Variants in AFAP1 observed in about 807,000 individuals in gnomAD.
AFAP1 encodes the protein actin filament-associated protein 1.
Under a neutral mutation model 93.9 loss-of-function variants are expected in AFAP1, and 75 were observed. The observed-to-expected ratio is 0.80, with a 90% CI of 0.66 to 0.97. The LOEUF (loss-of-function observed/expected upper bound fraction) is 0.97, where lower values mean the gene tolerates loss of function less well. Ranked by LOEUF, AFAP1 falls within the 50% of genes least tolerant of loss-of-function variation. The pLI, the probability that AFAP1 is intolerant of heterozygous loss-of-function variation, is 0.00. For missense variants in AFAP1, 1,201 were observed against 1,050.8 expected (o/e 1.14, Z -1.98); for synonymous variants, 517 against 430.7 (o/e 1.20, Z -2.48).
At chr4:7,887,406 G>A (rs150160689) in intron 1 of AFAP1, among the ~76,000 whole-genome samples, 10 of 152,274 alleles carry the variant, frequency 6.6e-5, no homozygotes. Context: ...GACGATGGGT[G>A]TTACAGGAAA....
At chr4:7,771,261 G>A (rs971490247) in intron 16 of AFAP1, among the ~76,000 whole-genome samples, 2 of 151,484 alleles carry the variant, frequency 1.3e-5, no homozygotes, top group Admixed American at 6.6e-5. Context: ...GGCCCCCGCC[G>A]GTAACCACAG....
At chr4:7,806,014 A>C (rs989665391) in intron 9 of AFAP1, among the ~76,000 whole-genome samples, 1 of 152,206 alleles carries the variant, frequency 6.6e-6, no homozygotes, top group Non-Finnish European at 1.5e-5. Flanking sequence ...AGAGAGAAAA[A>C]GGTGGAAACG....
At chr4:7,843,070 G>C in intron 5 of AFAP1, 69 bp downstream of exon 5, 1 of 1,517,224 alleles carries the variant, frequency 6.6e-7, no homozygotes, top group Non-Finnish European at 9.1e-7. Context: ...AATGGTGACT[G>C]GATATAAACG....
rs1158765422 is a variant in AFAP1 at position 7,873,342 on chromosome 4, C to CTTTTTT, written c.-2-1268_-2-1263dup. 1.2e-4 allele frequency among the ~76,000 whole-genome samples: 6 copies of CTTTTTT among 50,998 alleles called. 1 individual carries two copies. Among genetic ancestry groups the CTTTTTT allele is most frequent in the Non-Finnish European group, 1.8e-4 (5 of 28,362 alleles). 33.5% of individuals were successfully genotyped at this position (50,998 alleles called of 152,430 possible). A position where few individuals can be genotyped will look rare whatever the true frequency, so the allele number is the denominator to read the frequency against. On this transcript the variant is annotated intron_variant, in intron 1 of 17. Coordinates refer to ENST00000420658, the MANE Select transcript of AFAP1 (RefSeq NM_001134647.2). Reference sequence around the variant, plus strand: ...TTAAATCTAACCTTTGAAGACACACCTTTTTTTTTTTTTTTTTTTTTTTTT... The same window carrying CTTTTTT: ...TTAAATCTAACCTTTGAAGACACACCTTTTTTTTTTTTTTTTTTTTTTTTTTTTTTT...
At chr4:7,850,722 G>A (rs1714335840) in intron 4 of AFAP1, among the ~76,000 whole-genome samples, 1 of 152,224 alleles carries the variant, frequency 6.6e-6, no homozygotes, top group Non-Finnish European at 1.5e-5. Flanking sequence ...CATGGGCTCA[G>A]GTCCCCCAGC....
chr4:7,917,101 T>C (rs1262296019), intron 1 of AFAP1, among the ~76,000 whole-genome samples: 1 of 152,242 alleles, frequency 6.6e-6, no homozygotes, highest in Admixed American at 6.5e-5. Context: ...ACAATTACTG[T>C]GTTCACCCAT....
chr4:7,819,059 A>T lies in AFAP1; in HGVS notation c.822+17T>A, dbSNP rs1367591100. On this transcript the variant is annotated intron_variant, in intron 7 of 17. Transcript: ENST00000420658. Reference sequence around the variant, plus strand: ...TGCAAGGTCACCGTCCCCACCCAGCAAGAGCAGCGCCCTTACCTTCTCCAG... The same window carrying T: ...TGCAAGGTCACCGTCCCCACCCAGCTAGAGCAGCGCCCTTACCTTCTCCAG... 3 of 1,582,424 alleles carry T rather than the reference A, an allele frequency of 1.9e-6. No homozygotes were observed. Among genetic ancestry groups the T allele is most frequent in the South Asian group, 2.3e-5 (2 of 86,210 alleles).
chr4:7,926,491 G>A (rs1037575423), intron 1 of AFAP1, among the ~76,000 whole-genome samples: 2 of 152,158 alleles, frequency 1.3e-5, no homozygotes, highest in Non-Finnish European at 1.5e-5. Flanking sequence ...AATGCCTACC[G>A]TGGTTAGAAG....
rs1714095897 is a variant in AFAP1, at chr4:7,763,458, A to G, written c.*307T>C. On this transcript the variant is annotated 3_prime_UTR_variant, in exon 18 of 18. Coordinates refer to ENST00000420658, the MANE Select transcript of AFAP1 (RefSeq NM_001134647.2). ...GGGCTGGGTTGGAATCGGTGAAAGCAATGGCCTATCTGGTTAGAAAGATGT... is the reference window on the plus strand; with the variant it reads ...GGGCTGGGTTGGAATCGGTGAAAGCGATGGCCTATCTGGTTAGAAAGATGT... 2.7e-6 allele frequency: 1 copy of G among 373,296 alleles called. No homozygotes were observed. 23.1% of individuals were successfully genotyped at this position (373,296 alleles called of 1,614,324 possible).
At chr4:7,784,744 C>A (rs887169152) in intron 12 of AFAP1, among the ~76,000 whole-genome samples, 2 of 152,100 alleles carry the variant, frequency 1.3e-5, no homozygotes, top group Admixed American at 6.5e-5. Flanking sequence ...CACTTCCGAC[C>A]CCGGCCACTA....
chr4:7,873,266 A>C (rs1481290283), intron 1 of AFAP1, among the ~76,000 whole-genome samples: 5 of 116,288 alleles, frequency 4.3e-5, no homozygotes, highest in Admixed American at 1.7e-4. Flanking sequence ...AAAAAACCCC[A>C]CTTTCACTTA....
chr4:7,879,383 A>G (rs1717705727), intron 1 of AFAP1, among the ~76,000 whole-genome samples: 1 of 152,188 alleles, frequency 6.6e-6, no homozygotes. Context: ...CAAGAGCCAT[A>G]TCTACACGTG....
At chr4:7,844,577 C>T (rs1713467405) in intron 4 of AFAP1, among the ~76,000 whole-genome samples, 1 of 152,204 alleles carries the variant, frequency 6.6e-6, no homozygotes, top group East Asian at 1.9e-4. Flanking sequence ...CTGTAAGCCC[C>T]CTGAAGAAAA....
intron 1 of AFAP1, among the ~76,000 whole-genome samples, chr4:7,880,765 T>C (rs893126546): frequency 4.6e-5 from 7 of 152,198 alleles, no homozygotes; most frequent in Non-Finnish European, 8.8e-5. Flanking sequence ...GGCTAAAGCA[T>C]TGTCTGTCTC....
At chr4:7,835,967 G>C (rs1056252387) in intron 6 of AFAP1, among the ~76,000 whole-genome samples, 1 of 152,144 alleles carries the variant, frequency 6.6e-6, no homozygotes, top group Non-Finnish European at 1.5e-5. Context: ...CCAAGTGTGC[G>C]GGAGAGGCAA....
intron 16 of AFAP1, among the ~76,000 whole-genome samples, chr4:7,771,885 A>C (rs1258108472): frequency 2.0e-5 from 3 of 151,976 alleles, no homozygotes; most frequent in African/African-American, 7.3e-5. Flanking sequence ...AGAGGCTTGG[A>C]GGAGAAGGGG....
intron 17 of AFAP1, among the ~76,000 whole-genome samples, chr4:7,767,093 G>A (rs1159954594): frequency 6.6e-6 from 1 of 152,216 alleles, no homozygotes; most frequent in Non-Finnish European, 1.5e-5. Flanking sequence ...CCCTGTCACT[G>A]TTCTCAGAAA....
chr4:7,915,214 G>A (rs1720021277), intron 1 of AFAP1, among the ~76,000 whole-genome samples: 1 of 122,726 alleles, frequency 8.1e-6, no homozygotes, highest in African/African-American at 3.6e-5. Context: ...CCCCTACGGT[G>A]CGTAAGAGTT....
At chr4:7,833,792 G>A (rs1049201158) in intron 6 of AFAP1, among the ~76,000 whole-genome samples, 1 of 151,874 alleles carries the variant, frequency 6.6e-6, no homozygotes, top group Non-Finnish European at 1.5e-5. Context: ...GTTTCACCGT[G>A]TTATCCAGGA....
Sources: allele counts gnomAD v4.1 joint callset (sites outside exome capture counted in the v4.1 genomes callset), GRCh38; gene constraint gnomAD v4.1.1; transcripts MANE v1.5; gene names NCBI Gene and HGNC (gene_info 2026-07-23, HGNC 2026-07-21).